The following ASTN2 variants were observed in gnomAD, a reference collection of about 807,000 sequenced individuals.
The protein encoded by ASTN2 is astrotactin-2.
Under a neutral mutation model 139.8 loss-of-function variants are expected in ASTN2, and 54 were observed. The observed-to-expected ratio is 0.39, with a 90% CI of 0.31 to 0.48. ASTN2 has a LOEUF of 0.48. Among genes scored for constraint, ASTN2 ranks in the 20% least tolerant of loss-of-function variants. The pLI is 0.95. For missense variants in ASTN2, 1,565 were observed against 1,725.1 expected, an observed-to-expected ratio of 0.91 and a Z score of 1.64; for synonymous variants, 756 against 719.5, an observed-to-expected ratio of 1.05 and a Z score of -0.81.
intron 11 of ASTN2, among the ~76,000 whole-genome samples, chr9:116,833,440 T>A (rs1831879357): frequency 6.6e-6 from 1 of 151,996 alleles, no homozygotes; most frequent in South Asian, 2.1e-4. Flanking sequence ...TTGCTCTTTT[T>A]TTTTTTTTCT....
At chr9:116,611,764 C>A (rs1281614104) in intron 19 of ASTN2, 2 of 152,078 alleles carry the variant, frequency 1.3e-5, no homozygotes, top group African/African-American at 2.4e-5. Flanking sequence ...TAGTTAAAAA[C>A]CTTCTTGCAA....
At chr9:116,780,822 T>C (rs963541264) in intron 13 of ASTN2, among the ~76,000 whole-genome samples, 2 of 148,818 alleles carry the variant, frequency 1.3e-5, no homozygotes, top group Non-Finnish European at 3.0e-5. Flanking sequence ...AATGAGTGAA[T>C]GAATGAATGA....
At chr9:116,819,387 T>C (rs535736966) in intron 12 of ASTN2, among the ~76,000 whole-genome samples, 2 of 151,172 alleles carry the variant, frequency 1.3e-5, no homozygotes, top group African/African-American at 4.9e-5. Context: ...ATTTATTTCT[T>C]ATTTATTTTG....
intron 3 of ASTN2, among the ~76,000 whole-genome samples, chr9:117,165,175 C>A (rs1465837727): frequency 1.4e-5 from 2 of 147,258 alleles, no homozygotes; most frequent in South Asian, 4.2e-4. Flanking sequence ...CCTGCCTATT[C>A]CATCCCTCTC....
chr9:117,232,240 T>C (rs1264581690), intron 2 of ASTN2, among the ~76,000 whole-genome samples: 2 of 152,224 alleles, frequency 1.3e-5, no homozygotes, highest in East Asian at 1.9e-4. Flanking sequence ...AAGATGTGCA[T>C]GTAAACACTC....
intron 3 of ASTN2, among the ~76,000 whole-genome samples, chr9:117,188,958 C>T (rs534518869): frequency 3.3e-5 from 5 of 152,020 alleles, no homozygotes; most frequent in African/African-American, 1.2e-4. Flanking sequence ...TTCCCCAGAG[C>T]GTGGAGTCTG....
chr9:117,045,442 A>G (rs1354055897), intron 5 of ASTN2, among the ~76,000 whole-genome samples: 1 of 152,032 alleles, frequency 6.6e-6, no homozygotes, highest in Non-Finnish European at 1.5e-5. Context: ...CCACCCGGGC[A>G]TATTGATTGC....
chr9:116,592,907 G>C (rs1182004008), intron 19 of ASTN2, among the ~76,000 whole-genome samples: 2 of 152,186 alleles, frequency 1.3e-5, no homozygotes, highest in African/African-American at 4.8e-5. Context: ...CAGTGATAAA[G>C]GTGAGATGTG....
chr9:117,199,988 G>A (rs1831648936), intron 3 of ASTN2, among the ~76,000 whole-genome samples: 1 of 151,982 alleles, frequency 6.6e-6, no homozygotes, highest in South Asian at 2.1e-4. Context: ...CATTGACTTT[G>A]TATCCTGAGA....
At position 116,632,252 on chromosome 9, in the gene ASTN2, G is replaced by GAAGGAAA. The variant is rs1856833378; in HGVS notation, c.3073-11810_3073-11809insTTTCCTT. Among the ~76,000 whole-genome samples, 44 of 70,840 alleles carry GAAGGAAA rather than the reference G, an allele frequency of 6.2e-4. 1 individual carries two copies. The highest frequency in any genetic ancestry group is 3.2e-3 in the East Asian group (6 of 1,860). The allele number at this position is 70,840 out of a possible 152,430, so 46.5% of individuals were successfully genotyped here. A position where few individuals can be genotyped will look rare whatever the true frequency, so the allele number is the denominator to read the frequency against. On this transcript the variant is annotated intron_variant, in intron 17 of 22. Coordinates refer to ENST00000313400, the MANE Select transcript of ASTN2 (RefSeq NM_001365068.1). ...AAGAAAGAAAGAAAGAAAGAAAGAA[G>GAAGGAAA]GAAAGAAAGAAAGAAAGAAAGAAAG... is the stretch of plus-strand genomic sequence containing the variant.
intron 1 of ASTN2, among the ~76,000 whole-genome samples, chr9:117,368,389 T>A (rs1291279688): frequency 3.9e-5 from 6 of 152,118 alleles, no homozygotes; most frequent in Non-Finnish European, 7.4e-5. Flanking sequence ...CCAGAAACAT[T>A]GCCATGGTAT....
intron 10 of ASTN2, among the ~76,000 whole-genome samples, chr9:116,920,397 A>G (rs564145239): frequency 6.6e-6 from 1 of 152,348 alleles, no homozygotes; most frequent in East Asian, 1.9e-4. Context: ...AGGGAACAGC[A>G]TGAAAGAGGC....
chr9:117,011,745 T>C (rs1049761587), intron 6 of ASTN2, among the ~76,000 whole-genome samples: 2 of 152,226 alleles, frequency 1.3e-5, no homozygotes, highest in East Asian at 1.9e-4. Context: ...TTTCTTCCAA[T>C]TGAACATGAG....
At chr9:117,121,517 C>T (rs1479239598) in intron 4 of ASTN2, among the ~76,000 whole-genome samples, 2 of 152,148 alleles carry the variant, frequency 1.3e-5, no homozygotes, top group African/African-American at 4.8e-5. Context: ...GGGAATATTT[C>T]CCTGACCCAT....
At chr9:116,791,535 G>A (rs1010363757) in intron 13 of ASTN2, among the ~76,000 whole-genome samples, 31 of 152,314 alleles carry the variant, frequency 2.0e-4, no homozygotes, top group Non-Finnish European at 3.7e-4. Flanking sequence ...GATCATGGGG[G>A]AAATGGCAGA....
At chr9:116,681,792 T>G (rs936718296) in intron 16 of ASTN2, among the ~76,000 whole-genome samples, 2 of 152,072 alleles carry the variant, frequency 1.3e-5, no homozygotes, top group Non-Finnish European at 2.9e-5. Flanking sequence ...CCCTATTTAA[T>G]AAATGGTGCT....
intron 2 of ASTN2, among the ~76,000 whole-genome samples, chr9:117,281,590 A>T (rs988177251): frequency 6.6e-6 from 1 of 152,208 alleles, no homozygotes; most frequent in Non-Finnish European, 1.5e-5. Flanking sequence ...TTGCTGTTAA[A>T]ATACCACACA....
chr9:117,157,237 C>A (rs1355605056), intron 3 of ASTN2, among the ~76,000 whole-genome samples: 1 of 151,898 alleles, frequency 6.6e-6, no homozygotes, highest in African/African-American at 2.4e-5. Flanking sequence ...ATCCCCTAAG[C>A]TGTATTTGAA....
At chr9:117,191,076 T>C (rs180683076) in intron 3 of ASTN2, among the ~76,000 whole-genome samples, 1 of 152,248 alleles carries the variant, frequency 6.6e-6, no homozygotes, top group Non-Finnish European at 1.5e-5. Flanking sequence ...TCCCAACAGA[T>C]ATTGAGCTAA....
Sources: allele counts gnomAD v4.1 joint callset (sites outside exome capture counted in the v4.1 genomes callset), GRCh38; gene constraint gnomAD v4.1.1; transcripts MANE v1.5; gene names NCBI Gene and HGNC (gene_info 2026-07-23, HGNC 2026-07-21).